PDE3A: variants seen among roughly 807,000 people sequenced by gnomAD.
PDE3A encodes the protein cGMP-inhibited 3',5'-cyclic phosphodiesterase 3A.
PDE3A carries 43 observed loss-of-function variants against 98.3 expected under a neutral mutation model. The ratio of observed to expected loss-of-function variants is 0.44; its 90% confidence interval spans 0.34 to 0.56. PDE3A has a LOEUF of 0.56. Ranked by LOEUF, PDE3A falls within the 20% of genes least tolerant of loss-of-function variation. PDE3A has a pLI of 0.01. For missense variants in PDE3A, 1,427 were observed against 1,440.7 expected, an observed-to-expected ratio of 0.99 and a Z score of 0.15; for synonymous variants, 663 against 567.9, an observed-to-expected ratio of 1.17 and a Z score of -2.38.
intron 2 of PDE3A, among the ~76,000 whole-genome samples, chr12:20,558,216 A>T (rs1043788621): frequency 6.6e-6 from 1 of 151,782 alleles, no homozygotes; most frequent in African/African-American, 2.4e-5. Context: ...AAAAAAAAAA[A>T]CCTCACAATT....
chr12:20,648,423 T>C (rs1944826566), intron 12 of PDE3A, among the ~76,000 whole-genome samples: 1 of 151,842 alleles, frequency 6.6e-6, no homozygotes, highest in African/African-American at 2.4e-5. Flanking sequence ...TTAAAAAATA[T>C]CTATTAAGAT....
chr12:20,369,195 G>C lies in PDE3A; in HGVS notation c.-90G>C. 1.6e-6 allele frequency: 1 copy of C among 630,438 alleles called. No homozygotes were observed. Among genetic ancestry groups the C allele is most frequent in the South Asian group, 2.2e-5 (1 of 46,222 alleles). The allele number at this position is 630,438 out of a possible 1,614,324, so 39.1% of individuals were successfully genotyped here. On this transcript the variant is annotated 5_prime_UTR_variant, in exon 1 of 16. Coordinates refer to ENST00000359062, the MANE Select transcript of PDE3A (RefSeq NM_000921.5). ...AATTGGGAAGAGCGTGCGTGCGTGT[G>C]TGTGTGTGTGTGTGTGCGCGCGCGC...
At chr12:20,403,809 T>G (rs1453610909) in intron 1 of PDE3A, among the ~76,000 whole-genome samples, 1 of 152,128 alleles carries the variant, frequency 6.6e-6, no homozygotes, top group Non-Finnish European at 1.5e-5. Flanking sequence ...CTAATAAATT[T>G]TTATTTAGGT....
chr12:20,452,847 C>T (rs979474157), intron 1 of PDE3A, among the ~76,000 whole-genome samples: 1 of 152,192 alleles, frequency 6.6e-6, no homozygotes, highest in African/African-American at 2.4e-5. Flanking sequence ...CTGACCCTCG[C>T]ACTCTTTGGG....
At chr12:20,531,964 C>A (rs911531085) in intron 1 of PDE3A, among the ~76,000 whole-genome samples, 4 of 149,360 alleles carry the variant, frequency 2.7e-5, no homozygotes, top group African/African-American at 9.9e-5. Context: ...TTTAATATAT[C>A]TTATGTCCTG....
chr12:20,444,892 G>T (rs1254525532), intron 1 of PDE3A, among the ~76,000 whole-genome samples: 1 of 152,200 alleles, frequency 6.6e-6, no homozygotes, highest in Non-Finnish European at 1.5e-5. Context: ...TGAAGCTTGA[G>T]TATATTCAAA....
intron 1 of PDE3A, among the ~76,000 whole-genome samples, chr12:20,370,587 T>A (rs1943454914): frequency 6.6e-6 from 1 of 152,146 alleles, no homozygotes; most frequent in Admixed American, 6.5e-5. Flanking sequence ...CTCTTACGCT[T>A]TCCTTCCTTA....
intron 15 of PDE3A, among the ~76,000 whole-genome samples, chr12:20,679,024 G>GGAGTATCA (rs1945705637): frequency 6.6e-6 from 1 of 152,130 alleles, no homozygotes; most frequent in African/African-American, 2.4e-5. Flanking sequence ...AGGTACATAT[G>GGAGTATCA]GAGTATCATG....
At chr12:20,678,296 C>T (rs760791613) in intron 15 of PDE3A, among the ~76,000 whole-genome samples, 2 of 152,094 alleles carry the variant, frequency 1.3e-5, no homozygotes, top group Admixed American at 6.6e-5. Flanking sequence ...TTCTTCCTTA[C>T]CTTAGGCATT....
At chr12:20,378,250 A>G (rs1246574083) in intron 1 of PDE3A, among the ~76,000 whole-genome samples, 1 of 151,696 alleles carries the variant, frequency 6.6e-6, no homozygotes, top group Non-Finnish European at 1.5e-5. Context: ...CTGATTTCAG[A>G]TGAAAAAGTC....
rs527993487 is a variant in PDE3A, at chr12:20,668,255, G to A, written c.3185-11775G>A. On this transcript the variant is annotated intron_variant, in intron 15 of 15. Transcript: ENST00000359062. ...GCAGTCTGAGATCAAACTGCAAGGCGGCAGTGAGGCTGGGGGAGGGGCGCC... is the reference window on the plus strand; with the variant it reads ...GCAGTCTGAGATCAAACTGCAAGGCAGCAGTGAGGCTGGGGGAGGGGCGCC... 7.8e-4 allele frequency among the ~76,000 whole-genome samples: 119 copies of A among 152,330 alleles called. 1 individual carries two copies. The highest frequency in any genetic ancestry group is 2.5e-3 in the African/African-American group (102 of 41,568).
chr12:20,478,733 A>G (rs1268445927), intron 1 of PDE3A, among the ~76,000 whole-genome samples: 1 of 152,222 alleles, frequency 6.6e-6, no homozygotes, highest in Non-Finnish European at 1.5e-5. Context: ...AAGTGTTAAT[A>G]TTACAAAATC....
At chr12:20,538,771 A>G (rs543973712) in intron 1 of PDE3A, among the ~76,000 whole-genome samples, 137 of 152,132 alleles carry the variant, frequency 9.0e-4, no homozygotes, top group African/African-American at 3.0e-3. Context: ...CAGCCTCCCA[A>G]ATAGCTGGGA....
intron 1 of PDE3A, among the ~76,000 whole-genome samples, chr12:20,399,983 T>C (rs1440939924): frequency 1.3e-5 from 2 of 152,210 alleles, no homozygotes; most frequent in Non-Finnish European, 2.9e-5. Flanking sequence ...ACAAGTTATT[T>C]TGTATAGTCT....
At chr12:20,407,694 G>A (rs1944257940) in intron 1 of PDE3A, among the ~76,000 whole-genome samples, 1 of 151,876 alleles carries the variant, frequency 6.6e-6, no homozygotes, top group African/African-American at 2.4e-5. Context: ...AAGTGATTAT[G>A]GAGTACTTAA....
intron 1 of PDE3A, among the ~76,000 whole-genome samples, chr12:20,416,505 C>T (rs1413021438): frequency 6.6e-6 from 1 of 152,132 alleles, no homozygotes; most frequent in African/African-American, 2.4e-5. Flanking sequence ...TAAGCAGCCG[C>T]TATGTGCCAG....
At chr12:20,612,711 ATAAG>A (rs1943898047) in intron 2 of PDE3A, among the ~76,000 whole-genome samples, 1 of 148,436 alleles carries the variant, frequency 6.7e-6, no homozygotes, top group Non-Finnish European at 1.5e-5. Context: ...AGTTACTTAT[ATAAG>A]TAATAAACTA....
At chr12:20,670,686 C>G (rs868830648) in intron 15 of PDE3A, among the ~76,000 whole-genome samples, 2 of 145,392 alleles carry the variant, frequency 1.4e-5, no homozygotes, top group Non-Finnish European at 3.0e-5. Context: ...ATCTCTGGGA[C>G]GCATTCAAAG....
intron 2 of PDE3A, among the ~76,000 whole-genome samples, chr12:20,610,748 C>T (rs1157897252): frequency 6.6e-6 from 1 of 151,782 alleles, no homozygotes; most frequent in Non-Finnish European, 1.5e-5. Context: ...CATAGATGGA[C>T]CTGAAGAACA....
Sources: allele counts gnomAD v4.1 joint callset (sites outside exome capture counted in the v4.1 genomes callset), GRCh38; gene constraint gnomAD v4.1.1; transcripts MANE v1.5; gene names NCBI Gene and HGNC (gene_info 2026-07-23, HGNC 2026-07-21).